FAM151B: variants seen among roughly 807,000 people sequenced by gnomAD.
FAM151B encodes family with sequence similarity 151 member B.
FAM151B carries 24 observed loss-of-function variants against 31.2 expected under a neutral mutation model. The ratio of observed to expected loss-of-function variants is 0.77; its 90% CI spans 0.56 to 1.08. The LOEUF (loss-of-function observed/expected upper bound fraction) is 1.08. FAM151B is among the 50% of genes least tolerant of loss of function. The probability of loss-of-function intolerance (pLI) is 0.00; values close to 1 mark genes in which losing one functional copy is unlikely to be tolerated. For missense variants in FAM151B, 293 were observed against 328.6 expected, an observed-to-expected ratio of 0.89 and a Z score of 0.84; for synonymous variants, 105 against 111.4, an observed-to-expected ratio of 0.94 and a Z score of 0.36.
At position 80,521,982 on chromosome 5, in the gene FAM151B, ATTTTT is replaced by A; in HGVS notation, c.536-18_536-14del. 2.0e-6 allele frequency: 3 copies of A among 1,516,472 alleles called. No individual in the cohort carries two copies. The highest frequency in any genetic ancestry group is 2.7e-6 in the Non-Finnish European group (3 of 1,117,408). 93.9% of individuals were successfully genotyped at this position (1,516,472 alleles called of 1,614,324 possible). A position where few individuals can be genotyped will look rare whatever the true frequency, so the allele number is the denominator to read the frequency against. On this transcript the variant is annotated splice_polypyrimidine_tract_variant and intron_variant, in intron 4 of 5. Coordinates refer to ENST00000282226, the MANE Select transcript of FAM151B (RefSeq NM_205548.3). ...TCAAGATTTCAATCAATAAAGTTAA[ATTTTT>A]TTCTTTTCTTTTAAGGGTACAGTTG... is the stretch of plus-strand genomic sequence containing the variant.
intron 2 of FAM151B, among the ~76,000 whole-genome samples, chr5:80,512,625 TA>T (rs56039139): frequency 1 from 151,645 of 151,800 alleles, 75,747 homozygotes; most frequent in Middle Eastern, 1. Flanking sequence ...AGATATTTTT[TA>T]AAAAAATCAG....
At position 80,541,734 on chromosome 5, in the gene FAM151B, A is replaced by G. The variant is rs940450147; in HGVS notation, c.733A>G (p.Ile245Val). The change falls in exon 6 of 6, where the codon ATT becomes GTT. Residue 245 changes from isoleucine to valine, a missense_variant. Ile to Val is a conservative substitution (Grantham distance 29). Coordinates refer to ENST00000282226, the MANE Select transcript of FAM151B (RefSeq NM_205548.3). ...CTATTCCGTTGAAGATTTACTTTAC[A>G]TTAGAGACCATTTTGACAAAAAACA... ...DNYSVEDLLY[I>V]RDHFDKKQVF... 1 of 1,613,604 alleles carries G rather than the reference A, an allele frequency of 6.2e-7. No homozygotes were observed. The highest frequency in any genetic ancestry group is 8.5e-7 in the Non-Finnish European group (1 of 1,179,762).
At chr5:80,533,462 G>T (rs2112668305) in intron 5 of FAM151B, among the ~76,000 whole-genome samples, 1 of 151,622 alleles carries the variant, frequency 6.6e-6, no homozygotes, top group South Asian at 2.1e-4. Flanking sequence ...AAATAATAAA[G>T]ATCAGGCCGA....
At chr5:80,498,811 T>A (rs1743638825) in intron 1 of FAM151B, 4 of 474,914 alleles carry the variant, frequency 8.4e-6, no homozygotes, top group Admixed American at 4.9e-5. Context: ...TCCTTTTGAA[T>A]GTTGTAGTCA....
chr5:80,539,968 C>T (rs1745802156), intron 5 of FAM151B, among the ~76,000 whole-genome samples: 1 of 152,110 alleles, frequency 6.6e-6, no homozygotes, highest in Admixed American at 6.6e-5. Flanking sequence ...TTATGTTTTT[C>T]TGCATGAGCC....
Position 80,497,963 on chromosome 5 carries a change from G to A in FAM151B, c.26-3829G>A, listed in dbSNP as rs76436825. Among the ~76,000 whole-genome samples, 998 of 152,208 alleles carry A rather than the reference G, an allele frequency of 6.6e-3. 13 individuals carry two copies. The highest frequency in any genetic ancestry group is 0.023 in the African/African-American group (971 of 41,508). ...AAAAATAAATAAATAAATAAAAAGT[G>A]CTGTGGAAATATCCAATATGAACCA... On this transcript the variant is annotated intron_variant, in intron 1 of 5. Coordinates refer to ENST00000282226, the MANE Select transcript of FAM151B (RefSeq NM_205548.3).
intron 5 of FAM151B, among the ~76,000 whole-genome samples, chr5:80,536,465 C>T (rs567529289): frequency 8.1e-4 from 123 of 152,124 alleles, no homozygotes; most frequent in South Asian, 2.3e-3. Context: ...TGTGAGCCAC[C>T]GTGCCCAGAC....
intron 1 of FAM151B, chr5:80,500,261 G>A: frequency 1.7e-6 from 1 of 602,496 alleles, no homozygotes; most frequent in Non-Finnish European, 3.0e-6. Flanking sequence ...AAAGGAAATG[G>A]GGAGATGTAG....
chr5:80,523,533 G>A (rs557867986), intron 5 of FAM151B, among the ~76,000 whole-genome samples: 48 of 152,212 alleles, frequency 3.2e-4, no homozygotes, highest in African/African-American at 1.1e-3. Context: ...GGATATTCTG[G>A]AAGCATCGTT....
chr5:80,494,289 AG>A (rs1743422345), intron 1 of FAM151B, among the ~76,000 whole-genome samples: 1 of 152,204 alleles, frequency 6.6e-6, no homozygotes, highest in Non-Finnish European at 1.5e-5. Flanking sequence ...ATGAGGTTTA[AG>A]GGAAAAGGCT....
At chr5:80,534,780 A>G (rs1347899609) in intron 5 of FAM151B, among the ~76,000 whole-genome samples, 2 of 152,240 alleles carry the variant, frequency 1.3e-5, no homozygotes, top group Non-Finnish European at 2.9e-5. Context: ...AGAAAGATAT[A>G]TAAAGGACAT....
At chr5:80,525,685 A>G (rs989006824) in intron 5 of FAM151B, among the ~76,000 whole-genome samples, 4 of 152,134 alleles carry the variant, frequency 2.6e-5, no homozygotes, top group Non-Finnish European at 4.4e-5. Flanking sequence ...GCTGACGTAC[A>G]CTATCACATT....
intron 5 of FAM151B, among the ~76,000 whole-genome samples, chr5:80,527,152 GT>G: frequency 6.6e-6 from 1 of 152,316 alleles, no homozygotes; most frequent in Admixed American, 6.5e-5. Flanking sequence ...TCCAGGCACA[GT>G]GGCTCAGGCC....
At chr5:80,534,555 A>G (rs185856400) in intron 5 of FAM151B, among the ~76,000 whole-genome samples, 1 of 152,312 alleles carries the variant, frequency 6.6e-6, no homozygotes, top group East Asian at 1.9e-4. Context: ...AAAATTCAAC[A>G]TCCCTTCGTG....
intron 2 of FAM151B, among the ~76,000 whole-genome samples, chr5:80,512,040 AT>A (rs1471091693): frequency 6.6e-6 from 1 of 151,984 alleles, no homozygotes; most frequent in African/African-American, 2.4e-5. Flanking sequence ...TGTTTTATGC[AT>A]TTTTTTCAAA....
At chr5:80,532,548 TA>T (rs1423835581) in intron 5 of FAM151B, among the ~76,000 whole-genome samples, 1 of 152,140 alleles carries the variant, frequency 6.6e-6, no homozygotes, top group Non-Finnish European at 1.5e-5. Context: ...AATACAATAA[TA>T]GCTGGAGACT....
intron 5 of FAM151B, among the ~76,000 whole-genome samples, chr5:80,537,383 G>T (rs1746596803): frequency 6.6e-6 from 1 of 152,228 alleles, no homozygotes; most frequent in South Asian, 2.1e-4. Context: ...GCACTGAACT[G>T]TGCTGCCTTA....
chr5:80,533,935 G>T (rs1373577542), intron 5 of FAM151B, among the ~76,000 whole-genome samples: 1 of 151,990 alleles, frequency 6.6e-6, no homozygotes, highest in African/African-American at 2.4e-5. Flanking sequence ...CATTACAATT[G>T]ATACTGTGGA....
intron 5 of FAM151B, among the ~76,000 whole-genome samples, chr5:80,531,778 C>T (rs1173604140): frequency 1.3e-5 from 2 of 152,172 alleles, no homozygotes; most frequent in Admixed American, 6.5e-5. Context: ...AACACTTTTA[C>T]ACTGTTGGTG....
Sources: gnomAD v4.1 joint callset for allele counts (sites outside exome capture counted in the v4.1 genomes callset) on GRCh38, gnomAD v4.1.1 for gene constraint, MANE v1.5 for transcripts, NCBI Gene and HGNC (gene_info 2026-07-23, HGNC 2026-07-21) for gene names.